Variants in NTM observed in about 807,000 individuals in gnomAD.
The protein encoded by NTM is IgLON family member 2.
NTM carries 13 observed loss-of-function variants against 42.1 expected under a neutral mutation model. The ratio of observed to expected loss-of-function variants is 0.31; its 90% CI spans 0.20 to 0.49. NTM has a LOEUF of 0.49. Among genes scored for constraint, NTM ranks in the 20% least tolerant of loss-of-function variants. The pLI is 0.99. For synonymous variants in NTM, 187 were observed against 179.2 expected, an observed-to-expected ratio of 1.04 and a Z score of -0.35; for missense variants, 373 against 452.8, an observed-to-expected ratio of 0.82 and a Z score of 1.60.
chr11:132,298,452 G>A (rs1859833710), intron 4 of NTM, among the ~76,000 whole-genome samples: 1 of 152,112 alleles, frequency 6.6e-6, no homozygotes, highest in African/African-American at 2.4e-5. Context: ...GCGTAATAGA[G>A]GGTCTGCATG....
chr11:131,515,190 T>C (rs2048740949), intron 1 of NTM, among the ~76,000 whole-genome samples: 1 of 152,136 alleles, frequency 6.6e-6, no homozygotes, highest in African/African-American at 2.4e-5. Context: ...GTTGGGATTA[T>C]AGGCATGAGC....
chr11:131,386,162 T>C (rs1054308657), intron 1 of NTM, among the ~76,000 whole-genome samples: 1 of 152,218 alleles, frequency 6.6e-6, no homozygotes, highest in Non-Finnish European at 1.5e-5. Flanking sequence ...TTCTGACACA[T>C]GCTGCAGCAT....
At chr11:132,318,257 A>T (rs1267363795) in intron 7 of NTM, among the ~76,000 whole-genome samples, 1 of 152,158 alleles carries the variant, frequency 6.6e-6, no homozygotes, top group Non-Finnish European at 1.5e-5. Flanking sequence ...GTGACTCACT[A>T]AGCCTCATTT....
chr11:131,663,209 A>G (rs370322819), intron 1 of NTM: 1 of 152,184 alleles, frequency 6.6e-6, no homozygotes, highest in African/African-American at 2.4e-5. Flanking sequence ...GAGCAAAGAC[A>G]TTTTTCAGAA....
At chr11:132,326,921 C>T (rs1193450157) in intron 7 of NTM, among the ~76,000 whole-genome samples, 1 of 152,192 alleles carries the variant, frequency 6.6e-6, no homozygotes, top group African/African-American at 2.4e-5. Context: ...CATGGATTTC[C>T]ACTGACAGAG....
Position 131,428,302 on chromosome 11 carries a change from G to A in NTM, c.82+57414G>A, listed in dbSNP as rs189091883. Among the ~76,000 whole-genome samples the A allele has an allele frequency of 3.2e-4, 48 of 152,318 alleles. No homozygotes were observed. In the East Asian group the frequency reaches 6.8e-3, roughly 21 times the overall value. On this transcript the variant is annotated intron_variant, in intron 1 of 8. Transcript: ENST00000683400. ...AAGTTCACACTTCTTAGCTGAGCAC[G>A]TGAACATCACCGTAAGTTGGCCAAA...
intron 4 of NTM, among the ~76,000 whole-genome samples, chr11:132,229,612 A>G (rs1338548439): frequency 6.6e-6 from 1 of 152,192 alleles, no homozygotes; most frequent in Non-Finnish European, 1.5e-5. Flanking sequence ...CAAAGTTTTG[A>G]GAGTTCATAA....
At position 131,510,132 on chromosome 11, in the gene NTM, T is replaced by G. The variant is rs151298972; in HGVS notation, c.82+139244T>G. 4.7e-3 allele frequency among the ~76,000 whole-genome samples: 717 copies of G among 152,248 alleles called. 5 individuals carry two copies. Among genetic ancestry groups the G allele is most frequent in the African/African-American group, 0.016 (659 of 41,532 alleles). On this transcript the variant is annotated intron_variant, in intron 1 of 8. Transcript: ENST00000683400. ...AGCCATCATCAGGTTGAAATTTACA[T>G]GCGGGATGAAGCAACACAAACTGTC...
chr11:131,950,425 G>A (rs1047630228), intron 2 of NTM, among the ~76,000 whole-genome samples: 12 of 152,062 alleles, frequency 7.9e-5, no homozygotes, highest in Non-Finnish European at 1.3e-4. Context: ...GCCAAGCCAG[G>A]CAGTTCACCT....
rs79502542 is a variant in NTM, at chr11:131,643,551, C to T, written c.83-268013C>T. On this transcript the variant is annotated intron_variant, in intron 1 of 8. Transcript: ENST00000683400. ...GGGCTCTACTCAACTCTCTCTCTCT[C>T]TCTCGTGTCGCACAGAAGCTTATGG... is the stretch of plus-strand genomic sequence containing the variant. 1.4e-3 allele frequency among the ~76,000 whole-genome samples: 207 copies of T among 152,332 alleles called. 7 individuals carry two copies. The East Asian group carries it at 0.034, about 25-fold the overall frequency.
At chr11:131,943,206 T>C (rs1216768169) in intron 2 of NTM, among the ~76,000 whole-genome samples, 1 of 152,180 alleles carries the variant, frequency 6.6e-6, no homozygotes, top group Non-Finnish European at 1.5e-5. Context: ...TCTCCTGTGC[T>C]TGCAGAGGCC....
At chr11:131,465,183 G>A (rs1288762573) in intron 1 of NTM, among the ~76,000 whole-genome samples, 1 of 152,198 alleles carries the variant, frequency 6.6e-6, no homozygotes, top group Admixed American at 6.5e-5. Flanking sequence ...TGACAAATGA[G>A]TTTGCATTTC....
chr11:131,936,945 A>G (rs1296851544), intron 2 of NTM, among the ~76,000 whole-genome samples: 1 of 152,238 alleles, frequency 6.6e-6, no homozygotes, highest in African/African-American at 2.4e-5. Context: ...AACATATTCA[A>G]GCAAACTGCT....
At chr11:131,432,844 T>A (rs1278666757) in intron 1 of NTM, among the ~76,000 whole-genome samples, 4 of 11,934 alleles carry the variant, frequency 3.4e-4, no homozygotes, top group Non-Finnish European at 1.2e-3. Context: ...GCATTCTTTT[T>A]TTTTTTTTTT....
At chr11:131,413,154 G>T (rs1050787418) in intron 1 of NTM, among the ~76,000 whole-genome samples, 1 of 152,178 alleles carries the variant, frequency 6.6e-6, no homozygotes, top group Non-Finnish European at 1.5e-5. Context: ...GATAGAGTCA[G>T]GTGCCAGAAT....
intron 2 of NTM, among the ~76,000 whole-genome samples, chr11:132,025,060 G>A (rs1417074207): frequency 3.9e-5 from 6 of 152,270 alleles, no homozygotes; most frequent in African/African-American, 1.2e-4. Context: ...TCCTTCCCTC[G>A]TGTGGCACCA....
intron 1 of NTM, among the ~76,000 whole-genome samples, chr11:131,861,747 AAGAG>A (rs374646393): frequency 6.2e-4 from 94 of 152,212 alleles, no homozygotes; most frequent in South Asian, 8.3e-4. Flanking sequence ...AAGAAAAAAA[AAGAG>A]AGAGAGAAAA....
intron 2 of NTM, among the ~76,000 whole-genome samples, chr11:132,081,948 T>TA (rs2059121793): frequency 6.9e-6 from 1 of 144,202 alleles, no homozygotes; most frequent in African/African-American, 2.5e-5. Flanking sequence ...ATATATATAT[T>TA]TATATATATA....
intron 2 of NTM, among the ~76,000 whole-genome samples, chr11:131,990,678 C>T (rs776192815): frequency 4.6e-5 from 7 of 152,080 alleles, no homozygotes; most frequent in Admixed American, 1.3e-4. Flanking sequence ...AGAAGAAAAA[C>T]ATAATTCACC....
Sources: gnomAD v4.1 joint callset for allele counts (sites outside exome capture counted in the v4.1 genomes callset) on GRCh38, gnomAD v4.1.1 for gene constraint, MANE v1.5 for transcripts, NCBI Gene and HGNC (gene_info 2026-07-23, HGNC 2026-07-21) for gene names.